The following YAE1 variants were observed in gnomAD, a reference collection of about 807,000 sequenced individuals.
YAE1 encodes protein YAE1 homolog.
In YAE1, 22 loss-of-function variants were observed where a neutral mutation model predicts 23.0. That is an observed-to-expected ratio of 0.96 (90% CI 0.68 to 1.37). YAE1 has a LOEUF of 1.37. YAE1 is among the 40% of genes most tolerant of loss of function. The probability of loss-of-function intolerance (pLI) is 0.00; values close to 1 mark genes in which losing one functional copy is unlikely to be tolerated. For synonymous variants in YAE1, 101 were observed against 97.0 expected (o/e 1.04, Z -0.24); for missense variants, 260 against 262.1 (o/e 0.99, Z 0.06).
At chr7:39,590,210 T>A (rs1204284250) in intron 2 of YAE1, among the ~76,000 whole-genome samples, 1 of 152,182 alleles carries the variant, frequency 6.6e-6, no homozygotes, top group East Asian at 1.9e-4. Flanking sequence ...CACAAAATAA[T>A]ACCGTTAAGA....
chr7:39,575,577 A>AGT (rs1554291564), downstream of YAE1, among the ~76,000 whole-genome samples: 28 of 80,274 alleles, frequency 3.5e-4, no homozygotes, highest in South Asian at 9.2e-3. Context: ...AGAGAGAGAG[A>AGT]GTGAGTGTGT....
intron 2 of YAE1, among the ~76,000 whole-genome samples, chr7:39,588,299 G>A (rs1013815957): frequency 1.3e-5 from 2 of 152,110 alleles, no homozygotes; most frequent in African/African-American, 4.8e-5. Flanking sequence ...ATCACCTGAG[G>A]TCAGGAGTTC....
At chr7:39,592,897 G>A (rs1012289951) in intron 2 of YAE1, among the ~76,000 whole-genome samples, 4 of 152,064 alleles carry the variant, frequency 2.6e-5, no homozygotes, top group Non-Finnish European at 5.9e-5. Flanking sequence ...AAACACTTTG[G>A]CCATTATTTC....
chr7:39,572,219 A>T (rs1165371077), intron 2 of YAE1, 58 bp from the exon 3 acceptor site: 8 of 1,479,780 alleles, frequency 5.4e-6, no homozygotes, highest in Non-Finnish European at 7.2e-6. Flanking sequence ...ATTGAAAGAT[A>T]GTCTTATATT....
intron 1 of YAE1, chr7:39,569,924 A>T (rs1385103488): frequency 7.8e-7 from 1 of 1,275,154 alleles, no homozygotes; most frequent in Non-Finnish European, 1.1e-6. Flanking sequence ...TAAACTGTCC[A>T]GTCAGTCCTG....
At chr7:39,593,931 A>G (rs78409531) in intron 2 of YAE1, among the ~76,000 whole-genome samples, 3,960 of 152,300 alleles carry the variant, frequency 0.026, 97 homozygotes, top group East Asian at 0.11. Context: ...TCTTTTCCTT[A>G]GAGTGTTGGT....
chr7:39,609,094 G>C (rs1454306610), intron 2 of YAE1, among the ~76,000 whole-genome samples: 1 of 152,120 alleles, frequency 6.6e-6, no homozygotes, highest in Admixed American at 6.5e-5. Flanking sequence ...TTGCACTCCA[G>C]CCCGCCAGCC....
downstream of YAE1, among the ~76,000 whole-genome samples, chr7:39,573,889 A>G (rs1790612659): frequency 6.6e-6 from 1 of 152,220 alleles, no homozygotes. Flanking sequence ...GGCTAAAAAA[A>G]GCTCTTCGAT....
chr7:39,587,318 A>G (rs1342597268), intron 2 of YAE1, among the ~76,000 whole-genome samples: 2 of 151,664 alleles, frequency 1.3e-5, no homozygotes, highest in Non-Finnish European at 1.5e-5. Context: ...CAGCCTCCCA[A>G]TGTGCTGGGA....
At chr7:39,597,416 A>AT (rs1410671746) in intron 2 of YAE1, among the ~76,000 whole-genome samples, 13 of 152,106 alleles carry the variant, frequency 8.5e-5, no homozygotes, top group Non-Finnish European at 2.9e-5. Context: ...TTAAAAAAAA[A>AT]TTTTTTTAAG....
intron 2 of YAE1, among the ~76,000 whole-genome samples, chr7:39,590,580 A>G (rs1214994251): frequency 6.6e-6 from 1 of 152,226 alleles, no homozygotes; most frequent in Non-Finnish European, 1.5e-5. Context: ...AAGATATTTC[A>G]TTATGTAGGA....
intron 2 of YAE1, among the ~76,000 whole-genome samples, chr7:39,605,835 G>A (rs1234883804): frequency 6.6e-6 from 1 of 152,096 alleles, no homozygotes; most frequent in Non-Finnish European, 1.5e-5. Flanking sequence ...AATCGAGTAT[G>A]TTCTCTAGAT....
chr7:39,584,799 G>A (rs1289011567), intron 2 of YAE1, among the ~76,000 whole-genome samples: 1 of 152,094 alleles, frequency 6.6e-6, no homozygotes, highest in African/African-American at 2.4e-5. Flanking sequence ...TGGGAGGATC[G>A]TTTGATGCCA....
chr7:39,570,863 T>C, intron 2 of YAE1: 1 of 431,732 alleles, frequency 2.3e-6, no homozygotes, highest in Non-Finnish European at 4.0e-6. Context: ...AGAAGATGTA[T>C]ACTTCTGCTA....
rs112916357 is a variant in YAE1 at position 39,594,607 on chromosome 7, A to ATT, written c.252-14999_252-14998dup. Among the ~76,000 whole-genome samples the ATT allele has an allele frequency of 7.5e-3, 1,077 of 144,322 alleles. 13 individuals are homozygous for ATT. Among genetic ancestry groups the ATT allele is most frequent in the African/African-American group, 0.025 (989 of 39,722 alleles). 94.7% of individuals were successfully genotyped at this position (144,322 alleles called of 152,430 possible). ...CTCCCATTAATGGAAGTAGAACCTC[A>ATT]TTTTTTTTTTTTGAGACAGTCTCAC... On this transcript the variant is annotated intron_variant, in intron 2 of 2. Coordinates refer to the YAE1 transcript ENST00000432096.
chr7:39,573,607 C>T (rs986863097), downstream of YAE1, among the ~76,000 whole-genome samples: 3 of 152,166 alleles, frequency 2.0e-5, no homozygotes, highest in Admixed American at 2.0e-4. Context: ...TTCAAAGGCA[C>T]TGAAATAATT....
chr7:39,568,846 G>A (rs576150154), intron 1 of YAE1, among the ~76,000 whole-genome samples: 2 of 152,216 alleles, frequency 1.3e-5, no homozygotes, highest in South Asian at 4.1e-4. Flanking sequence ...TTAATGTAAG[G>A]TAGTTTTTAT....
intron 2 of YAE1, among the ~76,000 whole-genome samples, chr7:39,582,983 C>T (rs1387587174): frequency 6.6e-6 from 1 of 152,072 alleles, no homozygotes; most frequent in Non-Finnish European, 1.5e-5. Flanking sequence ...CGTAAAAATC[C>T]CACTTCTAGG....
chr7:39,568,317 A>G (rs1790508881), intron 1 of YAE1, among the ~76,000 whole-genome samples: 1 of 151,932 alleles, frequency 6.6e-6, no homozygotes, highest in African/African-American at 2.4e-5. Context: ...TGTAAAATTA[A>G]TTAAGAACTT....
Sources: gnomAD v4.1 joint callset for allele counts (sites outside exome capture counted in the v4.1 genomes callset) on GRCh38, gnomAD v4.1.1 for gene constraint, MANE v1.5 for transcripts, NCBI Gene and HGNC (gene_info 2026-07-23, HGNC 2026-07-21) for gene names.